Variants in NBEA observed in about 807,000 individuals in gnomAD.
NBEA encodes the protein neurobeachin, also known as lysosomal-trafficking regulator 2.
NBEA carries 44 observed loss-of-function variants against 343.4 expected under a neutral mutation model. The observed-to-expected ratio is 0.13, with a 90% confidence interval of 0.10 to 0.16. NBEA has a LOEUF of 0.16. Among genes scored for constraint, NBEA ranks in the 10% least tolerant of loss-of-function variants. The pLI is 1.00. For missense variants in NBEA, 2,555 were observed against 3,631.3 expected (o/e 0.70, Z 7.62); for synonymous variants, 1,175 against 1,238.7 (o/e 0.95, Z 1.08).
At chr13:35,047,340 A>G (rs931252198) in intron 4 of NBEA, among the ~76,000 whole-genome samples, 2 of 151,946 alleles carry the variant, frequency 1.3e-5, no homozygotes, top group African/African-American at 4.8e-5. Context: ...TTACTCTTGA[A>G]GAACTCTGAT....
At chr13:35,419,478 A>C (rs1224640235) in intron 38 of NBEA, among the ~76,000 whole-genome samples, 1 of 152,106 alleles carries the variant, frequency 6.6e-6, no homozygotes, top group African/African-American at 2.4e-5. Flanking sequence ...GGATTTCAAC[A>C]TATGAATTTT....
intron 29 of NBEA, 70 bp downstream of exon 29, chr13:35,182,598 G>C: frequency 7.3e-7 from 1 of 1,379,222 alleles, no homozygotes; most frequent in South Asian, 1.3e-5. Context: ...TTTACATCTA[G>C]ATTTAAACTG....
At chr13:35,178,166 C>G (rs2071047905) in intron 28 of NBEA, among the ~76,000 whole-genome samples, 1 of 151,644 alleles carries the variant, frequency 6.6e-6, no homozygotes, top group Admixed American at 6.6e-5. Flanking sequence ...TAATACCTAG[C>G]ATTGTCTGGG....
intron 1 of NBEA, among the ~76,000 whole-genome samples, chr13:34,995,735 G>GT (rs1273770106): frequency 1.3e-4 from 20 of 152,296 alleles, no homozygotes; most frequent in Non-Finnish European, 1.9e-4. Flanking sequence ...TGTTACATGA[G>GT]TACACGCTCA....
At chr13:34,948,074 T>C (rs979169694) in intron 1 of NBEA, among the ~76,000 whole-genome samples, 2 of 152,160 alleles carry the variant, frequency 1.3e-5, no homozygotes, top group South Asian at 2.1e-4. Context: ...TGAAGAGAAA[T>C]TGTAGAAAAT....
intron 41 of NBEA, among the ~76,000 whole-genome samples, chr13:35,482,573 A>G (rs1594776870): frequency 6.6e-6 from 1 of 151,710 alleles, no homozygotes; most frequent in East Asian, 1.9e-4. Context: ...AATCCCAATC[A>G]AATTAGAAGC....
chr13:35,422,204 T>C (rs1289021678), intron 38 of NBEA, among the ~76,000 whole-genome samples: 3 of 151,690 alleles, frequency 2.0e-5, no homozygotes, highest in Non-Finnish European at 4.4e-5. Context: ...ACGTGCAGGT[T>C]TGTTACATAT....
chr13:35,527,189 A>G (rs1287594197), intron 41 of NBEA, among the ~76,000 whole-genome samples: 1 of 152,068 alleles, frequency 6.6e-6, no homozygotes, highest in African/African-American at 2.4e-5. Context: ...AGGTTATTTT[A>G]TGGGCTCAGA....
intron 36 of NBEA, among the ~76,000 whole-genome samples, chr13:35,337,874 C>A (rs1470103312): frequency 6.6e-6 from 1 of 151,620 alleles, no homozygotes; most frequent in Non-Finnish European, 1.5e-5. Flanking sequence ...ACTAAATAAC[C>A]AATGGGTTAA....
intron 38 of NBEA, among the ~76,000 whole-genome samples, chr13:35,404,670 G>A (rs537511644): frequency 1.6e-4 from 24 of 149,440 alleles, no homozygotes; most frequent in Admixed American, 1.2e-3. Context: ...GAGTTAATGG[G>A]TGCAGCACAC....
At chr13:35,140,416 G>T (rs2068022157) in intron 17 of NBEA, among the ~76,000 whole-genome samples, 1 of 152,104 alleles carries the variant, frequency 6.6e-6, no homozygotes, top group Admixed American at 6.5e-5. Flanking sequence ...GGGAGCAAAG[G>T]AACACTTAAG....
At chr13:35,243,225 A>C (rs1266196486) in intron 34 of NBEA, among the ~76,000 whole-genome samples, 1 of 151,906 alleles carries the variant, frequency 6.6e-6, no homozygotes, top group East Asian at 1.9e-4. Context: ...TATAATTTTA[A>C]GATGTTTTAT....
chr13:35,250,836 A>G (rs560521138), intron 34 of NBEA, among the ~76,000 whole-genome samples: 20 of 152,366 alleles, frequency 1.3e-4, no homozygotes, highest in African/African-American at 4.6e-4. Context: ...CACAAAAATG[A>G]TATTTACCAT....
chr13:35,595,442 A>G (rs1327966), intron 47 of NBEA, among the ~76,000 whole-genome samples: 18,578 of 152,062 alleles, frequency 0.12, 1,915 homozygotes, highest in African/African-American at 0.28. Flanking sequence ...ACCACCACTC[A>G]TGAACCTTTC....
chr13:35,598,137 G>A (rs2081891224), intron 47 of NBEA, among the ~76,000 whole-genome samples: 1 of 152,142 alleles, frequency 6.6e-6, no homozygotes, highest in Admixed American at 6.6e-5. Flanking sequence ...TTGGAGACCT[G>A]GGAGCTAAAA....
At chr13:35,636,102 G>A (rs9544868) in intron 49 of NBEA, among the ~76,000 whole-genome samples, 59,081 of 151,970 alleles carry the variant, frequency 0.39, 11,767 homozygotes, top group East Asian at 0.56. Context: ...TAGCTGGAAG[G>A]GATTTCCTTA....
chr13:35,056,188 C>G, intron 7 of NBEA, 59 bp downstream of exon 7: 1 of 1,330,442 alleles, frequency 7.5e-7, no homozygotes, highest in South Asian at 2.2e-5. Context: ...TCTATCATTA[C>G]AATATGAATT....
At chr13:35,074,608 A>G (rs920232985) in intron 10 of NBEA, among the ~76,000 whole-genome samples, 2 of 152,096 alleles carry the variant, frequency 1.3e-5, no homozygotes, top group Non-Finnish European at 2.9e-5. Context: ...ATGTTAGGTG[A>G]TGGGATATTC....
chr13:35,371,007 G>C (rs1249602677), intron 38 of NBEA, among the ~76,000 whole-genome samples: 1 of 151,946 alleles, frequency 6.6e-6, no homozygotes, highest in Admixed American at 6.6e-5. Flanking sequence ...TTCCATATAA[G>C]TAGTTAGATG....
Sources: allele counts gnomAD v4.1 joint callset (sites outside exome capture counted in the v4.1 genomes callset), GRCh38; gene constraint gnomAD v4.1.1; transcripts MANE v1.5; gene names NCBI Gene and HGNC (gene_info 2026-07-23, HGNC 2026-07-21).